Variants in DOK7 observed in about 807,000 individuals in gnomAD.
DOK7 encodes the protein docking protein 7.
Under a neutral mutation model 30.7 loss-of-function variants are expected in DOK7, and 32 were observed. That is an observed-to-expected ratio of 1.04 (90% CI 0.79 to 1.40). The LOEUF (loss-of-function observed/expected upper bound fraction) is 1.40. Ranked by LOEUF, DOK7 falls within the 40% of genes most tolerant of loss-of-function variation. The probability of loss-of-function intolerance (pLI) is 0.00; values close to 1 mark genes in which losing one functional copy is unlikely to be tolerated. For missense variants in DOK7, 1,007 were observed against 699.2 expected (o/e 1.44, Z -4.97); for synonymous variants, 447 against 324.1 (o/e 1.38, Z -4.07).
chr4:3,477,895 G>T (rs1248844364), intron 4 of DOK7, among the ~76,000 whole-genome samples: 1 of 152,194 alleles, frequency 6.6e-6, no homozygotes, highest in African/African-American at 2.4e-5. Context: ...TCTGCCCCCA[G>T]GCCCTCCCTG....
intron 1 of DOK7, 22 bp downstream of exon 1, chr4:3,463,451 G>GGA: frequency 2.4e-5 from 2 of 84,146 alleles, no homozygotes; most frequent in Non-Finnish European, 1.5e-5. Flanking sequence ...TCGGGGGCGC[G>GGA]GGGGGGGGGG....
chr4:3,477,483 G>A (rs1727167613), intron 4 of DOK7, among the ~76,000 whole-genome samples: 1 of 152,260 alleles, frequency 6.6e-6, no homozygotes. Context: ...AAGGCCAGCT[G>A]GGGCACGGGC....
In DOK7 at chr4:3,500,579, T is replaced by C; in HGVS notation, c.1262-113T>C. 1.1e-5 allele frequency: 16 copies of C among 1,507,384 alleles called. No homozygotes were observed. In the South Asian group the frequency reaches 1.7e-4, roughly 16 times the overall value. 93.4% of individuals were successfully genotyped at this position (1,507,384 alleles called of 1,614,324 possible). On this transcript the variant is annotated intron_variant, in intron 7 of 7. Transcript: ENST00000643608. The stretch of plus-strand genomic sequence containing the variant: ...CTGGCCAGGCCACATCCCCTGAGGG[T>C]GTCCCCACTCAGATGCTTCCGAGGG...
intron 6 of DOK7, among the ~76,000 whole-genome samples, chr4:3,491,287 GC>G (rs1223159261): frequency 3.3e-5 from 2 of 60,458 alleles, no homozygotes; most frequent in African/African-American, 1.3e-4. Flanking sequence ...TCCTTCCTCC[GC>G]CCCCCCGCTC....
intron 6 of DOK7, among the ~76,000 whole-genome samples, chr4:3,490,302 GC>G (rs149731759): frequency 5.9e-5 from 3 of 50,726 alleles, no homozygotes; most frequent in African/African-American, 1.7e-4. Flanking sequence ...TTCTTCCTCC[GC>G]CCCCCCGGCT....
At position 3,488,982 on chromosome 4, in the gene DOK7, C is replaced by A. The variant is rs147639884; in HGVS notation, c.653-695C>A. On this transcript the variant is annotated intron_variant, in intron 5 of 6. Transcript: ENST00000340083. The stretch of plus-strand genomic sequence containing the variant: ...ACCAGGGCAGTGATGCTGAGGCTCG[C>A]AGCAGCGGTGCTGAGGGGCCAGTGA... 2.5e-3 allele frequency among the ~76,000 whole-genome samples: 380 copies of A among 152,322 alleles called. 3 individuals carry two copies. The highest frequency in any genetic ancestry group is 8.4e-3 in the African/African-American group (349 of 41,578).
chr4:3,481,092 G>T (rs114438835), intron 4 of DOK7, among the ~76,000 whole-genome samples: 35 of 152,174 alleles, frequency 2.3e-4, no homozygotes, highest in Non-Finnish European at 3.4e-4. Flanking sequence ...AGCCCTGTTG[G>T]GGGGGATAGG....
rs547633164 is a variant in DOK7, at chr4:3,493,214, A to G, written c.1228A>G (p.Ser410Gly). The G allele has an allele frequency of 4.0e-5, 64 of 1,611,926 alleles. 1 individual carries two copies. In the South Asian group the frequency reaches 6.7e-4, roughly 17 times the overall value. ...GCGGGCCCACTATGACACACCACGC[A>G]GCCTTTGCCTGGCTCCTAGAGACCA... ...SLRAHYDTPR[S>G]LCLAPRDHSP... Residue 410 changes from serine to glycine, a missense_variant, in exon 7 of 7, where the codon AGC becomes GGC. Physicochemically the swap from Ser to Gly is moderately conservative, Grantham distance 56. Coordinates refer to ENST00000340083, the MANE Select transcript of DOK7 (RefSeq NM_173660.5).
intron 4 of DOK7, among the ~76,000 whole-genome samples, chr4:3,481,465 C>G (rs1279887831): frequency 6.6e-6 from 1 of 151,998 alleles, no homozygotes; most frequent in African/African-American, 2.4e-5. Flanking sequence ...GAGTGGTGCC[C>G]CTGGACTGGG....
intron 3 of DOK7, among the ~76,000 whole-genome samples, chr4:3,475,044 C>T (rs1726984168): frequency 6.6e-6 from 1 of 152,248 alleles, no homozygotes; most frequent in South Asian, 2.1e-4. Flanking sequence ...GAGTGTCCCG[C>T]TCCCCCAGTC....
At chr4:3,495,938 G>A (rs1407424508), downstream of DOK7, among the ~76,000 whole-genome samples, 1 of 152,194 alleles carries the variant, frequency 6.6e-6, no homozygotes, top group Non-Finnish European at 1.5e-5. Flanking sequence ...CCAGCCCTGT[G>A]ACTGTCTGCC....
rs576215366 is a variant in DOK7, at chr4:3,463,533, A to G, written c.82A>G (p.Lys28Glu). The G allele has an allele frequency of 7.2e-7, 1 of 1,398,252 alleles. No homozygotes were observed. The highest frequency in any genetic ancestry group is 1.2e-5 in the South Asian group (1 of 81,562). The allele number at this position is 1,398,252 out of a possible 1,614,324, so 86.6% of individuals were successfully genotyped here. ...GAAGAGTAGGTGGCTGGTGCTGCGG[A>G]AGCCGTCGCCCGTGGCAGGTGAGCG... Reference protein sequence around the residue: ...KWKSRWLVLRKPSPVADCLLM... With the variant: ...KWKSRWLVLREPSPVADCLLM... Residue 28 changes from lysine (K) to glutamate (E), a missense_variant, in exon 2 of 7, where the codon AAG (lysine) becomes GAG (glutamate). Coordinates refer to ENST00000340083, the MANE Select transcript of DOK7 (RefSeq NM_173660.5).
chr4:3,475,457 G>T (rs1349868734), intron 3 of DOK7, among the ~76,000 whole-genome samples: 2 of 152,234 alleles, frequency 1.3e-5, no homozygotes, highest in Non-Finnish European at 1.5e-5. Flanking sequence ...CCCCTGGTGG[G>T]GAGGCTGCTG....
intron 2 of DOK7, among the ~76,000 whole-genome samples, chr4:3,467,410 G>A (rs1211083470): frequency 6.6e-6 from 1 of 151,130 alleles, no homozygotes; most frequent in Non-Finnish European, 1.5e-5. Context: ...TCGCCGCCCG[G>A]TGTCTGGTGG....
rs146159989 is a variant in DOK7, at chr4:3,494,444, C to CTGTT, written c.*947_*950dup. On this transcript the variant is annotated 3_prime_UTR_variant, in exon 7 of 7. Transcript: ENST00000340083. The stretch of plus-strand genomic sequence containing the variant: ...TGTCAGCTGTTTCTAAACCCAGACA[C>CTGTT]TGTTTGTAATAGACTGGAAATAAAA... 1.9e-4 allele frequency: 190 copies of CTGTT among 985,586 alleles called. No individual in the cohort carries two copies. In the Middle Eastern group the frequency reaches 3.1e-3, roughly 16 times the overall value. The allele number at this position is 985,586 out of a possible 1,614,324, so 61.1% of individuals were successfully genotyped here.
intron 2 of DOK7, among the ~76,000 whole-genome samples, chr4:3,471,698 G>A (rs1726777723): frequency 6.6e-6 from 1 of 152,248 alleles, no homozygotes; most frequent in Admixed American, 6.5e-5. Context: ...ACGCCGCTGT[G>A]TTTGATTTCT....
At position 3,494,474 on chromosome 4, in the gene DOK7, C is replaced by T. The variant is rs1442093852; in HGVS notation, c.*973C>T. ...TGTAATAGACTGGAAATAAAATGTTCTTTCCTTACCACCTTGTCCTAGTCC... is the reference window on the plus strand; with the variant it reads ...TGTAATAGACTGGAAATAAAATGTTTTTTCCTTACCACCTTGTCCTAGTCC... On this transcript the variant is annotated 3_prime_UTR_variant, in exon 7 of 7. Transcript: ENST00000340083. 10 of 985,372 alleles carry T rather than the reference C, an allele frequency of 1.0e-5. No homozygotes were observed. Among genetic ancestry groups the T allele is most frequent in the Non-Finnish European group, 1.2e-5 (10 of 829,908 alleles). 61.0% of individuals were successfully genotyped at this position (985,372 alleles called of 1,614,324 possible).
intron 5 of DOK7, among the ~76,000 whole-genome samples, chr4:3,485,876 A>G (rs957270979): frequency 6.6e-6 from 1 of 152,058 alleles, no homozygotes; most frequent in Non-Finnish European, 1.5e-5. Context: ...TCGTACCTGC[A>G]GGTGCTCTCC....
intron 2 of DOK7, among the ~76,000 whole-genome samples, chr4:3,466,716 G>T (rs935646236): frequency 6.6e-6 from 1 of 152,306 alleles, no homozygotes; most frequent in African/African-American, 2.4e-5. Flanking sequence ...CTCATTCCCC[G>T]CCTGCGTCCT....
Sources: allele counts gnomAD v4.1 joint callset (sites outside exome capture counted in the v4.1 genomes callset), GRCh38; gene constraint gnomAD v4.1.1; transcripts MANE v1.5; gene names NCBI Gene and HGNC (gene_info 2026-07-23, HGNC 2026-07-21).